Variants in KCNG3 observed in about 807,000 individuals in gnomAD.
The protein encoded by KCNG3 is potassium voltage-gated channel modifier subfamily G member 3.
In KCNG3, 15 loss-of-function variants were observed where a neutral mutation model predicts 29.0. The observed-to-expected ratio is 0.52, with a 90% CI of 0.35 to 0.80. The LOEUF is 0.80. Among genes scored for constraint, KCNG3 ranks in the 30% least tolerant of loss-of-function variants. KCNG3 has a pLI of 0.01. For synonymous variants in KCNG3, 322 were observed against 248.9 expected (o/e 1.29, Z -2.76); for missense variants, 512 against 605.7 (o/e 0.85, Z 1.62).
At chr2:42,439,831 T>G (rs901404297), downstream of KCNG3, among the ~76,000 whole-genome samples, 1 of 149,080 alleles carries the variant, frequency 6.7e-6, no homozygotes, top group Non-Finnish European at 1.5e-5. Context: ...TCAGTAGAGA[T>G]GGGTTTTCAC....
the KCNG3 span, among the ~76,000 whole-genome samples, chr2:42,422,242 G>C: frequency 1.7e-3 from 264 of 152,242 alleles, no homozygotes; most frequent in African/African-American, 6.2e-3. Context: ...TAGGACATGA[G>C]GGATCTGCCC....
At position 42,444,412 on chromosome 2, in the gene KCNG3, T is replaced by G. The variant is rs1372827894; in HGVS notation, c.833A>C (p.Asn278Thr). The G allele has an allele frequency of 6.2e-7, 1 of 1,614,020 alleles. No homozygotes were observed. The highest frequency in any genetic ancestry group is 8.5e-7 in the Non-Finnish European group (1 of 1,180,022). The change falls in exon 2 of 2, where the codon AAC becomes ACC. Residue 278 changes from asparagine (N) to threonine (T), a missense_variant. Physicochemically the swap from Asn to Thr is moderately conservative, Grantham distance 65. Transcript: ENST00000306078. This position sits in a 1 kb window ranked among gnomAD's most constrained non-coding sequence, Gnocchi z 5.8. ...GACTCCAGCCCTCTGGAGTTGAGAG[T>G]TCTCGCCTGTAAACACTGTCATCAA... ...SVLMTVFTGE[N>T]SQLQRAGVTL...
chr2:42,463,448 C>G, intron 1 of KCNG3: 1 of 161,334 alleles, frequency 6.2e-6, no homozygotes, highest in East Asian at 1.9e-4. Flanking sequence ...AACTCTGCCC[C>G]GTCATTCACA....
chr2:42,405,998 C>A, the KCNG3 span, among the ~76,000 whole-genome samples: 2 of 152,044 alleles, frequency 1.3e-5, no homozygotes, highest in African/African-American at 2.4e-5. Flanking sequence ...CTGCCTCAGC[C>A]TCCCAAAGTG....
chr2:42,411,499 G>T, the KCNG3 span, among the ~76,000 whole-genome samples: 2 of 150,958 alleles, frequency 1.3e-5, no homozygotes, highest in Non-Finnish European at 3.0e-5. Flanking sequence ...TTTTTTGTTT[G>T]AGAGAGAGAG....
chr2:42,431,635 A>G, the KCNG3 span, among the ~76,000 whole-genome samples: 1 of 152,222 alleles, frequency 6.6e-6, no homozygotes, highest in African/African-American at 2.4e-5. Context: ...CATTTGAGGA[A>G]ATGTTGCTTG....
chr2:42,481,338 C>G lies in KCNG3; in HGVS notation c.665+11499G>C, dbSNP rs769136607. Among the ~76,000 whole-genome samples, 8 of 152,218 alleles carry G rather than the reference C, an allele frequency of 5.3e-5. No individual in the cohort carries two copies. In the East Asian group the frequency reaches 1.5e-3, roughly 29 times the overall value. On this transcript the variant is annotated intron_variant, in intron 1 of 1. Transcript: ENST00000306078. ...CAACAGGACCTTTAGCTGCCTGAAC[C>G]CAGGACTCAAGGAAGTCCTTGACCA...
chr2:42,428,684 ACTAG>A, the KCNG3 span, among the ~76,000 whole-genome samples: 1 of 152,200 alleles, frequency 6.6e-6, no homozygotes, highest in South Asian at 2.1e-4. Flanking sequence ...ATTCAAAAAG[ACTAG>A]CTAGCTTAAT....
intron 1 of KCNG3, among the ~76,000 whole-genome samples, chr2:42,476,843 A>C (rs753472162): frequency 1.3e-5 from 2 of 151,506 alleles, no homozygotes; most frequent in African/African-American, 4.8e-5. Context: ...ACTTTGCAAA[A>C]GAATTTGTTG....
At chr2:42,403,404 A>G in the KCNG3 span, among the ~76,000 whole-genome samples, 1 of 151,690 alleles carries the variant, frequency 6.6e-6, no homozygotes, top group Non-Finnish European at 1.5e-5. Context: ...TGGCCTCCCA[A>G]AGTTCTAGGA....
intron 1 of KCNG3, among the ~76,000 whole-genome samples, chr2:42,489,129 G>T (rs1405937861): frequency 6.7e-6 from 1 of 148,670 alleles, no homozygotes; most frequent in African/African-American, 2.5e-5. Context: ...ACCCCATATC[G>T]AACTCCTGAC....
intron 1 of KCNG3, among the ~76,000 whole-genome samples, chr2:42,445,075 A>T (rs1024840517): frequency 0.033 from 2,253 of 68,380 alleles, 47 homozygotes; most frequent in African/African-American, 0.15. Flanking sequence ...TCAAAAATTA[A>T]AAAAAAAAAA....
intron 1 of KCNG3, chr2:42,464,017 G>A (rs904074794): frequency 2.0e-5 from 5 of 244,924 alleles, no homozygotes; most frequent in Admixed American, 4.9e-5. Flanking sequence ...AGAGGCGGTG[G>A]CAGTGGGCTC....
chr2:42,438,530 T>A (rs951782305), downstream of KCNG3, among the ~76,000 whole-genome samples: 3 of 152,204 alleles, frequency 2.0e-5, no homozygotes, highest in Non-Finnish European at 4.4e-5. Context: ...TATAGTCTTG[T>A]TGATATTTTA....
chr2:42,482,653 C>T (rs1328966505), intron 1 of KCNG3, among the ~76,000 whole-genome samples: 4 of 152,088 alleles, frequency 2.6e-5, no homozygotes, highest in South Asian at 4.1e-4. Flanking sequence ...CGCTTGAACC[C>T]GGGAGGCTGA....
At chr2:42,472,963 G>A (rs953969879) in intron 1 of KCNG3, among the ~76,000 whole-genome samples, 99 of 145,780 alleles carry the variant, frequency 6.8e-4, no homozygotes, top group Admixed American at 2.0e-3. Flanking sequence ...GTGCAGTGGC[G>A]CAATCTCGGC....
the KCNG3 span, among the ~76,000 whole-genome samples, chr2:42,434,317 A>G: frequency 6.6e-6 from 1 of 151,874 alleles, no homozygotes; most frequent in African/African-American, 2.4e-5. Flanking sequence ...TTAGCCAGGC[A>G]TGGTGGTACA....
At chr2:42,399,752 G>C in the KCNG3 span, among the ~76,000 whole-genome samples, 1 of 152,118 alleles carries the variant, frequency 6.6e-6, no homozygotes, top group Non-Finnish European at 1.5e-5. Context: ...TCTCAGCTTA[G>C]GTGCACAGGG....
In KCNG3 at chr2:42,493,772, A is replaced by C. The variant is rs1673991009; in HGVS notation, c.-271T>G. On this transcript the variant is annotated 5_prime_UTR_variant, in exon 1 of 2. Coordinates refer to ENST00000306078, the MANE Select transcript of KCNG3 (RefSeq NM_133329.6). ...CCAGCGCTGAGCCCCACCGGCTGGG[A>C]ACGCGGCTGTGTCCGCGCCGCCGAC... The C allele has an allele frequency of 3.3e-6, 1 of 301,202 alleles. No homozygotes were observed. The highest frequency in any genetic ancestry group is 2.2e-5 in the African/African-American group (1 of 45,390). 18.7% of individuals were successfully genotyped at this position (301,202 alleles called of 1,614,324 possible).
Sources: gnomAD v4.1 joint callset for allele counts (sites outside exome capture counted in the v4.1 genomes callset) on GRCh38, gnomAD v4.1.1 for gene constraint, Gnocchi (gnomAD v3.1) non-coding constraint, MANE v1.5 for transcripts, NCBI Gene and HGNC (gene_info 2026-07-23, HGNC 2026-07-21) for gene names.